CLRN3: variants seen among roughly 807,000 people sequenced by gnomAD.
The protein encoded by CLRN3 is clarin-3.
Under a neutral mutation model 16.7 loss-of-function variants are expected in CLRN3, and 12 were observed. The observed-to-expected ratio is 0.72, with a 90% CI of 0.46 to 1.16. The LOEUF (loss-of-function observed/expected upper bound fraction) is 1.16. Ranked by LOEUF, CLRN3 falls within the 50% of genes most tolerant of loss-of-function variation. The probability of loss-of-function intolerance (pLI) is 0.00; values close to 1 mark genes in which losing one functional copy is unlikely to be tolerated. For missense variants in CLRN3, 296 were observed against 274.2 expected, an observed-to-expected ratio of 1.08 and a Z score of -0.56; for synonymous variants, 118 against 113.0, an observed-to-expected ratio of 1.04 and a Z score of -0.28.
At chr10:127,881,824 T>C (rs1406854653) in intron 2 of CLRN3, among the ~76,000 whole-genome samples, 2 of 152,212 alleles carry the variant, frequency 1.3e-5, no homozygotes, top group African/African-American at 4.8e-5. Context: ...AGAGGATTGA[T>C]CTGGCCAATT....
chr10:127,881,071 C>A (rs1430565489), intron 2 of CLRN3, among the ~76,000 whole-genome samples: 2 of 152,162 alleles, frequency 1.3e-5, no homozygotes, highest in Non-Finnish European at 2.9e-5. Context: ...GTCAAGAGGC[C>A]TCAAGGGGCA....
At chr10:127,883,917 A>G (rs773999581) in intron 1 of CLRN3, 42 bp from the exon 2 acceptor site, 12 of 1,580,314 alleles carry the variant, frequency 7.6e-6, no homozygotes, top group African/African-American at 2.7e-5. Context: ...TAATGCAAAC[A>G]CCAGCTCTGG....
At chr10:127,886,854 G>A (rs368926834) in intron 1 of CLRN3, among the ~76,000 whole-genome samples, 2 of 152,222 alleles carry the variant, frequency 1.3e-5, no homozygotes, top group Non-Finnish European at 2.9e-5. Flanking sequence ...CCCATAGAGC[G>A]TGGTGAAATT....
intron 2 of CLRN3, among the ~76,000 whole-genome samples, chr10:127,881,272 A>C (rs1396549375): frequency 6.6e-6 from 1 of 152,172 alleles, no homozygotes; most frequent in African/African-American, 2.4e-5. Flanking sequence ...TTCTTTGTGG[A>C]TAGGAGTAGG....
chr10:127,891,801 A>T (rs1199166432), intron 1 of CLRN3, among the ~76,000 whole-genome samples: 3 of 152,232 alleles, frequency 2.0e-5, no homozygotes, highest in Admixed American at 6.5e-5. Context: ...ATGCCTGTAT[A>T]ATACTTGCAT....
At chr10:127,887,591 G>A (rs1484326699) in intron 1 of CLRN3, among the ~76,000 whole-genome samples, 1 of 152,028 alleles carries the variant, frequency 6.6e-6, no homozygotes, top group Non-Finnish European at 1.5e-5. Context: ...GCATATTAAG[G>A]TGACAATTCA....
intron 2 of CLRN3, among the ~76,000 whole-genome samples, chr10:127,882,096 G>T (rs1411098900): frequency 3.3e-5 from 5 of 152,256 alleles, no homozygotes; most frequent in Non-Finnish European, 1.5e-5. Flanking sequence ...GCATTCAGGT[G>T]AGTATATCTG....
chr10:127,886,409 A>T (rs774653158), intron 1 of CLRN3, among the ~76,000 whole-genome samples: 5 of 152,228 alleles, frequency 3.3e-5, no homozygotes, highest in Non-Finnish European at 5.9e-5. Flanking sequence ...AAACAGCCTC[A>T]GGGGCTGCTG....
intron 2 of CLRN3, among the ~76,000 whole-genome samples, chr10:127,880,411 G>A (rs770005352): frequency 1.2e-4 from 18 of 152,126 alleles, no homozygotes; most frequent in Non-Finnish European, 1.9e-4. Context: ...TATAGGGGCT[G>A]GAGGAAGCCC....
At chr10:127,880,814 C>T (rs1391124966) in intron 2 of CLRN3, among the ~76,000 whole-genome samples, 2 of 152,130 alleles carry the variant, frequency 1.3e-5, no homozygotes, top group African/African-American at 4.8e-5. Context: ...TCAAAACCAG[C>T]CGCTAGGAGT....
intron 1 of CLRN3, among the ~76,000 whole-genome samples, chr10:127,887,138 A>T (rs1167291586): frequency 6.6e-6 from 1 of 152,162 alleles, no homozygotes; most frequent in African/African-American, 2.4e-5. Context: ...AAAGTAATAG[A>T]GGGGGACACC....
chr10:127,885,736 C>T (rs114029221), intron 1 of CLRN3, among the ~76,000 whole-genome samples: 147 of 152,248 alleles, frequency 9.7e-4, no homozygotes, highest in African/African-American at 3.1e-3. Flanking sequence ...TGTGCCACCA[C>T]GACCACGCTC....
intron 1 of CLRN3, among the ~76,000 whole-genome samples, chr10:127,885,927 G>T (rs1313563154): frequency 6.6e-6 from 1 of 152,076 alleles, no homozygotes; most frequent in African/African-American, 2.4e-5. Flanking sequence ...GGCTAATTTT[G>T]TATTTTTAGT....
At chr10:127,891,266 G>A (rs2135087554) in intron 1 of CLRN3, among the ~76,000 whole-genome samples, 1 of 152,314 alleles carries the variant, frequency 6.6e-6, no homozygotes, top group Non-Finnish European at 1.5e-5. Flanking sequence ...GATAGTTGAT[G>A]CTTTCTTTGA....
rs770163524 is a variant in CLRN3 at position 127,883,739 on chromosome 10, T to C, written c.366A>G (p.Thr122=). The change falls in exon 2 of 3, where the codon ACA becomes ACG. Residue 122 remains threonine (T), a synonymous_variant. Coordinates refer to ENST00000368671, the MANE Select transcript of CLRN3 (RefSeq NM_152311.5). The part of the protein sequence containing the change: ...FYNSISNPYQ[T]FLGPTGVYTW... ...TGTACACCCCCGTCGGCCCCAGGAA[T>C]GTCTGGTAAGGGTTGCTGATGCTGT... 1.9e-6 allele frequency: 3 copies of C among 1,613,792 alleles called. No individual in the cohort carries two copies. The South Asian group carries it at 3.3e-5, about 18-fold the overall frequency.
intron 1 of CLRN3, among the ~76,000 whole-genome samples, chr10:127,887,848 G>A (rs1845214464): frequency 6.6e-6 from 1 of 152,190 alleles, no homozygotes; most frequent in Admixed American, 6.5e-5. Flanking sequence ...GGGCAAGCGT[G>A]TGAATCAGGA....
chr10:127,891,339 A>T (rs1025748904), intron 1 of CLRN3, among the ~76,000 whole-genome samples: 8 of 152,348 alleles, frequency 5.3e-5, no homozygotes, highest in African/African-American at 1.7e-4. Flanking sequence ...AAACCAAAAA[A>T]AACTGTAGGT....
At chr10:127,892,155 T>C (rs1845264237) in intron 1 of CLRN3, among the ~76,000 whole-genome samples, 1 of 152,238 alleles carries the variant, frequency 6.6e-6, no homozygotes, top group Non-Finnish European at 1.5e-5. Context: ...CATTTTACTC[T>C]TTCCTGCATA....
At chr10:127,886,398 G>A (rs1410303472) in intron 1 of CLRN3, among the ~76,000 whole-genome samples, 1 of 152,224 alleles carries the variant, frequency 6.6e-6, no homozygotes, top group Admixed American at 6.5e-5. Context: ...AGGTGCCTGA[G>A]AAACAGCCTC....
Sources: allele counts gnomAD v4.1 joint callset (sites outside exome capture counted in the v4.1 genomes callset), GRCh38; gene constraint gnomAD v4.1.1; transcripts MANE v1.5; gene names NCBI Gene and HGNC (gene_info 2026-07-23, HGNC 2026-07-21).